Variants in ATF2 observed in about 807,000 individuals in gnomAD.
ATF2 encodes the protein cyclic AMP-dependent transcription factor ATF-2.
A neutral mutation model predicts 60.6 loss-of-function variants in ATF2; 24 were observed. The ratio of observed to expected loss-of-function variants is 0.40; its 90% confidence interval spans 0.29 to 0.56. The LOEUF (loss-of-function observed/expected upper bound fraction) is 0.56, where lower values mean the gene tolerates loss of function less well. Among genes scored for constraint, ATF2 ranks in the 20% least tolerant of loss-of-function variants. ATF2 has a pLI of 0.54. For missense variants in ATF2, 433 were observed against 607.7 expected (o/e 0.71, Z 3.02); for synonymous variants, 206 against 215.4 (o/e 0.96, Z 0.38).
At chr2:175,096,781 G>GT (rs1217270755) in intron 11 of ATF2, among the ~76,000 whole-genome samples, 2 of 152,104 alleles carry the variant, frequency 1.3e-5, no homozygotes, top group Admixed American at 1.3e-4. Context: ...GAAAAAGAAC[G>GT]TAAGATTTAG....
In ATF2 at chr2:175,074,679, T is replaced by C. The variant is rs760950559; in HGVS notation, c.1448A>G (p.Gln483Arg). ...ATSVLTQMAD[Q>R]STEPALSQIV... ...CTGTGAAAGAGCAGGCTCTGTACTCTGGTCCGCCATCTGGGTGAGGACTGA... is the reference window on the plus strand; with the variant it reads ...CTGTGAAAGAGCAGGCTCTGTACTCCGGTCCGCCATCTGGGTGAGGACTGA... The change falls in exon 14 of 14, where the codon CAG (glutamine) becomes CGG (arginine). Residue 483 changes from glutamine to arginine, a missense_variant. Physicochemically the swap from Gln to Arg is conservative, Grantham distance 43. Transcript: ENST00000264110. 7 of 1,613,450 alleles carry C rather than the reference T, an allele frequency of 4.3e-6. No individual in the cohort carries two copies. Among genetic ancestry groups the C allele is most frequent in the Non-Finnish European group, 5.9e-6 (7 of 1,179,658 alleles).
chr2:175,078,737 C>T (rs1347476418), intron 13 of ATF2, among the ~76,000 whole-genome samples: 1 of 152,162 alleles, frequency 6.6e-6, no homozygotes, highest in Non-Finnish European at 1.5e-5. Flanking sequence ...CTGTGTGCTA[C>T]AACATAATGA....
In ATF2 at chr2:175,120,796, A is replaced by C. The variant is rs571251922; in HGVS notation, c.199+648T>G. Among the ~76,000 whole-genome samples, 9 of 151,866 alleles carry C rather than the reference A, an allele frequency of 5.9e-5. No homozygotes were observed. In the South Asian group the frequency reaches 1.7e-3, roughly 28 times the overall value. ...TATATACATAGATGTGTGTGTGTAT[A>C]TATTTAAATACCAAAAAAAGGCAGC... On this transcript the variant is annotated intron_variant, in intron 5 of 13. Coordinates refer to ENST00000264110, the MANE Select transcript of ATF2 (RefSeq NM_001880.4).
chr2:175,119,801 G>A (rs1301976217), intron 5 of ATF2, among the ~76,000 whole-genome samples: 1 of 151,552 alleles, frequency 6.6e-6, no homozygotes, highest in Non-Finnish European at 1.5e-5. Flanking sequence ...AAGTTCATCA[G>A]AAGGCTCTTA....
intron 2 of ATF2, among the ~76,000 whole-genome samples, chr2:175,141,154 G>A (rs758255445): frequency 1.3e-5 from 2 of 148,218 alleles, no homozygotes; most frequent in Non-Finnish European, 3.0e-5. Flanking sequence ...TCCTGCCATA[G>A]CTGCATGAAG....
intron 7 of ATF2, among the ~76,000 whole-genome samples, chr2:175,116,043 G>A (rs775012212): frequency 2.0e-5 from 3 of 152,098 alleles, no homozygotes. Flanking sequence ...GAGGCATGAG[G>A]TAAGGATAGA....
In ATF2 at chr2:175,168,084, A is replaced by C. The variant is rs1574535092; in HGVS notation, c.-177T>G. 5.4e-6 allele frequency: 1 copy of C among 186,562 alleles called. No individual in the cohort carries two copies. Among genetic ancestry groups the C allele is most frequent in the Non-Finnish European group, 1.2e-5 (1 of 85,102 alleles). The allele number at this position is 186,562 out of a possible 1,614,324, so 11.6% of individuals were successfully genotyped here. A position where few individuals can be genotyped will look rare whatever the true frequency, so the allele number is the denominator to read the frequency against. On this transcript the variant is annotated 5_prime_UTR_variant, in exon 1 of 14. Coordinates refer to ENST00000264110, the MANE Select transcript of ATF2 (RefSeq NM_001880.4). Reference sequence around the variant, plus strand: ...TCACTAGTTCATGATCCTTTCGGTCACCCGCGAGCCCTGAGCACAGCCGTG... The same window carrying C: ...TCACTAGTTCATGATCCTTTCGGTCCCCCGCGAGCCCTGAGCACAGCCGTG...
At chr2:175,078,155 G>A (rs1182732385) in intron 13 of ATF2, among the ~76,000 whole-genome samples, 1 of 152,070 alleles carries the variant, frequency 6.6e-6, no homozygotes, top group Non-Finnish European at 1.5e-5. Context: ...ATTTTTTGTA[G>A]AGATGGGGTC....
At chr2:175,078,514 G>A (rs1222862851) in intron 13 of ATF2, among the ~76,000 whole-genome samples, 1 of 152,132 alleles carries the variant, frequency 6.6e-6, no homozygotes, top group African/African-American at 2.4e-5. Context: ...GTGACTAACT[G>A]TCATGGTTTT....
chr2:175,167,626 C>G (rs778905802), intron 1 of ATF2: 4 of 491,508 alleles, frequency 8.1e-6, no homozygotes, highest in South Asian at 4.5e-5. Flanking sequence ...CCCCGCCCAA[C>G]CCAAGGACTG....
At chr2:175,088,216 T>C (rs1293819059) in intron 12 of ATF2, among the ~76,000 whole-genome samples, 1 of 152,170 alleles carries the variant, frequency 6.6e-6, no homozygotes, top group Admixed American at 6.5e-5. Context: ...TGATGGCAGC[T>C]ACACTAATAC....
rs866685125 is a variant in ATF2, at chr2:175,140,862, T to C, written c.-43-4376A>G. ...CAACTTAAAAATTAGCCAGGCATGGTGGTATGTGCGTGTAGTCCTAGCTGC... is the reference window on the plus strand; with the variant it reads ...CAACTTAAAAATTAGCCAGGCATGGCGGTATGTGCGTGTAGTCCTAGCTGC... On this transcript the variant is annotated intron_variant, in intron 2 of 13. Coordinates refer to ENST00000264110, the MANE Select transcript of ATF2 (RefSeq NM_001880.4). 9.3e-4 allele frequency among the ~76,000 whole-genome samples: 137 copies of C among 147,300 alleles called. 1 individual carries two copies. Among genetic ancestry groups the C allele is most frequent in the Middle Eastern group, 7.1e-3 (2 of 282 alleles).
intron 13 of ATF2, among the ~76,000 whole-genome samples, chr2:175,077,374 C>CT (rs1164162111): frequency 6.6e-6 from 1 of 152,180 alleles, no homozygotes; most frequent in African/African-American, 2.4e-5. Flanking sequence ...AATCGCCACA[C>CT]TGACTTCCAC....
In ATF2 at chr2:175,074,781, G is replaced by C. The variant is rs1243071196; in HGVS notation, c.1346C>G (p.Thr449Arg). ...GACCGAACTATGCTGTATAGCTTCT[G>C]TATGTGGACTACTCGGCACTGAAAT... The part of the protein sequence containing the change: ...EDISVPSSPH[T>R]EAIQHSSVST... The change falls in exon 14 of 14, where the codon ACA becomes AGA. Residue 449 changes from threonine to arginine, a missense_variant. Physicochemically the swap from Thr to Arg is moderately conservative, Grantham distance 71 (BLOSUM62 -1). Coordinates refer to ENST00000264110, the MANE Select transcript of ATF2 (RefSeq NM_001880.4). The C allele has an allele frequency of 6.2e-7, 1 of 1,613,460 alleles. No homozygotes were observed.
At chr2:175,126,522 T>A (rs1311124343) in intron 4 of ATF2, among the ~76,000 whole-genome samples, 1 of 152,186 alleles carries the variant, frequency 6.6e-6, no homozygotes, top group East Asian at 1.9e-4. Flanking sequence ...AAAAAAATAA[T>A]TCCCTAACTT....
rs929211025 is a variant in ATF2, at chr2:175,072,717, T to A, written c.*1892A>T. ...GTGCCTTTGAGATAACTCCTTAGAATAATGATATCAAAATCATGATTTGAA... is the reference window on the plus strand; with the variant it reads ...GTGCCTTTGAGATAACTCCTTAGAAAAATGATATCAAAATCATGATTTGAA... On this transcript the variant is annotated 3_prime_UTR_variant, in exon 14 of 14. Coordinates refer to ENST00000264110, the MANE Select transcript of ATF2 (RefSeq NM_001880.4). The A allele has an allele frequency of 6.6e-6, 1 of 152,122 alleles. No individual in the cohort carries two copies. The highest frequency in any genetic ancestry group is 2.4e-5 in the African/African-American group (1 of 41,440). The allele number at this position is 152,122 out of a possible 1,614,324, so 9.4% of individuals were successfully genotyped here. A position where few individuals can be genotyped will look rare whatever the true frequency, so the allele number is the denominator to read the frequency against.
intron 12 of ATF2, among the ~76,000 whole-genome samples, chr2:175,084,249 T>C (rs1200447896): frequency 1.3e-5 from 2 of 151,938 alleles, no homozygotes; most frequent in Admixed American, 6.5e-5. Flanking sequence ...AACCAAAATG[T>C]CCAACGATGA....
intron 3 of ATF2, among the ~76,000 whole-genome samples, chr2:175,134,810 C>A (rs2105762006): frequency 6.6e-6 from 1 of 151,656 alleles, no homozygotes; most frequent in South Asian, 2.1e-4. Context: ...ACGGCGTGAC[C>A]CCATCTCTAC....
intron 1 of ATF2, among the ~76,000 whole-genome samples, chr2:175,157,615 TA>T (rs1699765981): frequency 6.6e-6 from 1 of 151,846 alleles, no homozygotes; most frequent in South Asian, 2.1e-4. Context: ...CATAAAAAAA[TA>T]AAGGGAAGAT....
Sources: gnomAD v4.1 joint callset for allele counts (sites outside exome capture counted in the v4.1 genomes callset) on GRCh38, gnomAD v4.1.1 for gene constraint, MANE v1.5 for transcripts, NCBI Gene and HGNC (gene_info 2026-07-23, HGNC 2026-07-21) for gene names.